FREM2: variants seen among roughly 807,000 people sequenced by gnomAD.
FREM2 encodes FRAS1-related extracellular matrix protein 2.
FREM2 carries 119 observed loss-of-function variants against 219.9 expected under a neutral mutation model. The ratio of observed to expected loss-of-function variants is 0.54; its 90% CI spans 0.47 to 0.63. The LOEUF is 0.63. FREM2 is among the 30% of genes least tolerant of loss of function. The probability of loss-of-function intolerance (pLI) is 0.00; values close to 1 mark genes in which losing one functional copy is unlikely to be tolerated. For missense variants in FREM2, 4,030 were observed against 3,993.6 expected (o/e 1.01, Z -0.25); for synonymous variants, 1,562 against 1,522.8 (o/e 1.03, Z -0.60).
In FREM2 at chr13:38,755,903, A is replaced by C. The variant is rs568470674; in HGVS notation, c.5264-8401A>C. ...TACAGATTTTCTTTGTATACCCTCA[A>C]ATTAGCAGGTAACCATGCGGGAGCC... On this transcript the variant is annotated intron_variant, in intron 2 of 23. Coordinates refer to ENST00000280481, the MANE Select transcript of FREM2 (RefSeq NM_207361.6). Among the ~76,000 whole-genome samples, 5 of 152,314 alleles carry C rather than the reference A, an allele frequency of 3.3e-5. No individual in the cohort carries two copies. The East Asian group carries it at 9.6e-4, about 29-fold the overall frequency.
chr13:38,689,407 G>A lies in FREM2; in HGVS notation c.2063G>A (p.Arg688Gln), dbSNP rs140796866. The A allele has an allele frequency of 7.1e-5, 114 of 1,613,824 alleles. No homozygotes were observed. Among genetic ancestry groups the A allele is most frequent in the Non-Finnish European group, 9.0e-5 (106 of 1,179,942 alleles). The change falls in exon 1 of 24, where the codon CGG becomes CAG. Residue 688 changes from arginine (R) to glutamine (Q), a missense_variant. Coordinates refer to ENST00000280481, the MANE Select transcript of FREM2 (RefSeq NM_207361.6). ...HDPPNQSGLQ[R>Q]FVIRIHPVDR... is the part of the protein sequence containing the mutation. ...CCTCCTAATCAGTCCGGGCTACAGCGGTTTGTGATTCGTATCCATCCTGTG... is the reference window on the plus strand; with the variant it reads ...CCTCCTAATCAGTCCGGGCTACAGCAGTTTGTGATTCGTATCCATCCTGTG...
intron 3 of FREM2, among the ~76,000 whole-genome samples, chr13:38,768,333 A>C (rs1266000959): frequency 1.3e-5 from 2 of 152,146 alleles, no homozygotes; most frequent in African/African-American, 4.8e-5. Flanking sequence ...AGGCTGGAGC[A>C]CAGTGGCATA....
rs34156270 is a variant in FREM2 at position 38,855,138 on chromosome 13, A to AT, written c.6926-978dup. On this transcript the variant is annotated intron_variant, in intron 11 of 23. Coordinates refer to ENST00000280481, the MANE Select transcript of FREM2 (RefSeq NM_207361.6). ...ATGAGTGGTTAAGAAAATAATTCTG[A>AT]TTTTTTTTTTAGGATTCTAGATTTA... Among the ~76,000 whole-genome samples, 753 of 150,364 alleles carry AT rather than the reference A, an allele frequency of 5.0e-3. 8 individuals are homozygous for AT. Among genetic ancestry groups the AT allele is most frequent in the African/African-American group, 0.017 (720 of 41,238 alleles).
At chr13:38,779,163 T>C (rs1367838332) in intron 4 of FREM2, among the ~76,000 whole-genome samples, 2 of 148,508 alleles carry the variant, frequency 1.3e-5, no homozygotes, top group Non-Finnish European at 3.0e-5. Context: ...CACTCATAAG[T>C]GGGAGTTAGA....
chr13:38,863,473 T>G (rs967341609), intron 15 of FREM2, among the ~76,000 whole-genome samples: 18 of 152,354 alleles, frequency 1.2e-4, no homozygotes, highest in South Asian at 6.2e-4. Context: ...GGAATTGTTA[T>G]TTATTCACTT....
chr13:38,780,417 C>T (rs1273197640), intron 4 of FREM2, among the ~76,000 whole-genome samples: 3 of 152,216 alleles, frequency 2.0e-5, no homozygotes, highest in East Asian at 3.9e-4. Flanking sequence ...CCTCCACTGC[C>T]ACTGCCTGGT....
At chr13:38,738,505 G>A (rs1321569781) in intron 2 of FREM2, among the ~76,000 whole-genome samples, 1 of 137,574 alleles carries the variant, frequency 7.3e-6, no homozygotes, top group Non-Finnish European at 1.5e-5. Context: ...GGTGGAGGTT[G>A]CAGTGAGCTG....
chr13:38,779,230 G>A (rs1874009048), intron 4 of FREM2, among the ~76,000 whole-genome samples: 2 of 151,962 alleles, frequency 1.3e-5, no homozygotes, highest in African/African-American at 4.8e-5. Flanking sequence ...CTTGTCGGGG[G>A]GTGGAGGGAA....
intron 2 of FREM2, among the ~76,000 whole-genome samples, chr13:38,738,679 T>C (rs1872107614): frequency 6.6e-6 from 1 of 151,670 alleles, no homozygotes; most frequent in South Asian, 2.1e-4. Context: ...TAGAGTGATC[T>C]ATGAACCAGA....
chr13:38,819,188 G>T (rs1220349585), intron 6 of FREM2, among the ~76,000 whole-genome samples: 1 of 152,102 alleles, frequency 6.6e-6, no homozygotes, highest in African/African-American at 2.4e-5. Flanking sequence ...GGCCCTGGCT[G>T]CTATGCTGCT....
At chr13:38,696,525 A>G (rs1174378467) in intron 1 of FREM2, among the ~76,000 whole-genome samples, 1 of 152,176 alleles carries the variant, frequency 6.6e-6, no homozygotes, top group African/African-American at 2.4e-5. Context: ...TGTCATAGCT[A>G]TTTTTAGCCA....
In FREM2 at chr13:38,702,726, T is replaced by G. The variant is rs571843826; in HGVS notation, c.5263+4939T>G. Among the ~76,000 whole-genome samples the G allele has an allele frequency of 3.9e-5, 6 of 152,270 alleles. No individual in the cohort carries two copies. In the South Asian group the frequency reaches 1.2e-3, roughly 32 times the overall value. On this transcript the variant is annotated intron_variant, in intron 2 of 23. Coordinates refer to ENST00000280481, the MANE Select transcript of FREM2 (RefSeq NM_207361.6). Reference sequence around the variant, plus strand: ...AGTAGGAGGAGTCTTACATTTGTATTCATTATGAAAACCAGCTTGCTGCTT... The same window carrying G: ...AGTAGGAGGAGTCTTACATTTGTATGCATTATGAAAACCAGCTTGCTGCTT...
At position 38,807,996 on chromosome 13, in the gene FREM2, A is replaced by G. The variant is rs145825080; in HGVS notation, c.6019+23188A>G. On this transcript the variant is annotated intron_variant, in intron 6 of 23. Transcript: ENST00000280481. Reference sequence around the variant, plus strand: ...CAAATATAAGGCTGTTTTTTCTCCAATGAAAATGTTATTTAGTGTAGCCCT... The same window carrying G: ...CAAATATAAGGCTGTTTTTTCTCCAGTGAAAATGTTATTTAGTGTAGCCCT... Among the ~76,000 whole-genome samples the G allele has an allele frequency of 3.3e-5, 5 of 152,080 alleles. No homozygotes were observed. The East Asian group carries it at 6.0e-4, about 18-fold the overall frequency.
intron 2 of FREM2, among the ~76,000 whole-genome samples, chr13:38,743,607 C>T (rs1872337256): frequency 6.6e-6 from 1 of 152,256 alleles, no homozygotes; most frequent in East Asian, 1.9e-4. Flanking sequence ...AAGTCTTGTA[C>T]TTCTCAATAA....
At chr13:38,839,955 G>A (rs1876882569) in intron 6 of FREM2, among the ~76,000 whole-genome samples, 1 of 152,074 alleles carries the variant, frequency 6.6e-6, no homozygotes, top group African/African-American at 2.4e-5. Context: ...CCCTTTCCAG[G>A]GGAGTGAATG....
chr13:38,819,643 A>G (rs1230896910), intron 6 of FREM2, among the ~76,000 whole-genome samples: 1 of 152,154 alleles, frequency 6.6e-6, no homozygotes, highest in Non-Finnish European at 1.5e-5. Flanking sequence ...CTTTGTAGAT[A>G]TCATATATTT....
Position 38,763,342 on chromosome 13 carries a change from A to AT in FREM2, c.5264-952dup, listed in dbSNP as rs138227046. ...TCACTCAGCGTTTTCCCTTGTGTAGATTTTTTTTTTGTCGTCTATTAAAGT... is the reference window on the plus strand; with the variant it reads ...TCACTCAGCGTTTTCCCTTGTGTAGATTTTTTTTTTTGTCGTCTATTAAAGT... On this transcript the variant is annotated intron_variant, in intron 2 of 23. Coordinates refer to ENST00000280481, the MANE Select transcript of FREM2 (RefSeq NM_207361.6). Among the ~76,000 whole-genome samples, 789 of 145,598 alleles carry AT rather than the reference A, an allele frequency of 5.4e-3. 9 individuals carry two copies. Among genetic ancestry groups the AT allele is most frequent in the African/African-American group, 0.017 (683 of 39,854 alleles).
At position 38,687,413 on chromosome 13, in the gene FREM2, A is replaced by T; in HGVS notation, c.69A>T (p.Gly23=). Residue 23 remains glycine, a synonymous_variant, in exon 1 of 24, where the codon GGA becomes GGT. Transcript: ENST00000280481. ...RTGNSTSFQP[G]PPPPPRLLLL... is the part of the protein sequence containing the mutation. ...GCAACTCCACCAGCTTTCAACCAGGACCGCCACCGCCGCCCCGGCTGCTGC... is the reference window on the plus strand; with the variant it reads ...GCAACTCCACCAGCTTTCAACCAGGTCCGCCACCGCCGCCCCGGCTGCTGC... The T allele has an allele frequency of 6.2e-7, 1 of 1,605,476 alleles. No individual in the cohort carries two copies. Among genetic ancestry groups the T allele is most frequent in the Non-Finnish European group, 8.5e-7 (1 of 1,176,620 alleles).
At chr13:38,736,424 C>T (rs1317336542) in intron 2 of FREM2, among the ~76,000 whole-genome samples, 1 of 152,228 alleles carries the variant, frequency 6.6e-6, no homozygotes, top group Non-Finnish European at 1.5e-5. Flanking sequence ...AACCATGGAA[C>T]AGGTATTGTT....
Sources: gnomAD v4.1 joint callset for allele counts (sites outside exome capture counted in the v4.1 genomes callset) on GRCh38, gnomAD v4.1.1 for gene constraint, MANE v1.5 for transcripts, NCBI Gene and HGNC (gene_info 2026-07-23, HGNC 2026-07-21) for gene names.